GPM6A: variants seen among roughly 807,000 people sequenced by gnomAD.
GPM6A encodes neuronal membrane glycoprotein M6-a.
GPM6A carries 7 observed loss-of-function variants against 32.1 expected under a neutral mutation model. That is an observed-to-expected ratio of 0.22 (90% confidence interval 0.12 to 0.41). The LOEUF is 0.41. Among genes scored for constraint, GPM6A ranks in the 10% least tolerant of loss-of-function variants. The probability of loss-of-function intolerance (pLI) is 1.00; values close to 1 mark genes in which losing one functional copy is unlikely to be tolerated. For synonymous variants in GPM6A, 130 were observed against 123.4 expected, an observed-to-expected ratio of 1.05 and a Z score of -0.35; for missense variants, 235 against 347.2, an observed-to-expected ratio of 0.68 and a Z score of 2.57.
intron 1 of GPM6A, among the ~76,000 whole-genome samples, chr4:175,792,384 T>A (rs1734047116): frequency 6.6e-6 from 1 of 152,280 alleles, no homozygotes; most frequent in East Asian, 1.9e-4. Context: ...TCCAAGTACT[T>A]TTAAAAGTAA....
At chr4:175,865,955 T>G (rs1435224753) in intron 1 of GPM6A, among the ~76,000 whole-genome samples, 1 of 152,176 alleles carries the variant, frequency 6.6e-6, no homozygotes, top group Non-Finnish European at 1.5e-5. Context: ...AGAATTTTCA[T>G]TGTGGAAAAA....
At chr4:175,744,329 T>C (rs1044677941) in intron 1 of GPM6A, among the ~76,000 whole-genome samples, 1 of 152,042 alleles carries the variant, frequency 6.6e-6, no homozygotes, top group East Asian at 1.9e-4. Flanking sequence ...AAAGAGGGTA[T>C]AGCTCCAAAC....
At chr4:175,943,740 G>A (rs752389484) in intron 1 of GPM6A, among the ~76,000 whole-genome samples, 89 of 152,104 alleles carry the variant, frequency 5.9e-4, no homozygotes, top group Non-Finnish European at 1.1e-3. Context: ...CAATGTGATT[G>A]TGGTGGATAA....
At chr4:175,941,489 A>C (rs1206959109) in intron 1 of GPM6A, among the ~76,000 whole-genome samples, 1 of 152,242 alleles carries the variant, frequency 6.6e-6, no homozygotes, top group Middle Eastern at 3.4e-3. Context: ...TGCTGCACCC[A>C]TCAACCTGTC....
chr4:175,706,779 G>T (rs1011249428), intron 1 of GPM6A, among the ~76,000 whole-genome samples: 2 of 152,174 alleles, frequency 1.3e-5, no homozygotes, highest in African/African-American at 4.8e-5. Flanking sequence ...CTAAGTCACA[G>T]GATGAGAGAG....
intron 1 of GPM6A, among the ~76,000 whole-genome samples, chr4:175,927,332 G>C (rs57942674): frequency 0.032 from 4,928 of 152,326 alleles, 289 homozygotes; most frequent in African/African-American, 0.11. Flanking sequence ...CACAGTCACT[G>C]TGAGCTGTGT....
intron 1 of GPM6A, among the ~76,000 whole-genome samples, chr4:175,965,877 G>T (rs1740318314): frequency 6.6e-6 from 1 of 152,098 alleles, no homozygotes; most frequent in Admixed American, 6.5e-5. Flanking sequence ...CTCCCAAAGT[G>T]CTGGGATTAC....
chr4:175,707,012 A>C (rs951791379), intron 1 of GPM6A, among the ~76,000 whole-genome samples: 2 of 152,196 alleles, frequency 1.3e-5, no homozygotes, highest in Non-Finnish European at 2.9e-5. Context: ...GTTACCCTAC[A>C]TGGTCTAAAA....
intron 1 of GPM6A, among the ~76,000 whole-genome samples, chr4:175,802,048 A>G (rs17062058): frequency 0.062 from 9,460 of 152,062 alleles, 910 homozygotes; most frequent in African/African-American, 0.21. Context: ...CAAAGTTGCT[A>G]AACAGTGTTG....
intron 4 of GPM6A, among the ~76,000 whole-genome samples, chr4:175,642,959 A>G (rs543804713): frequency 6.6e-6 from 1 of 152,256 alleles, no homozygotes; most frequent in African/African-American, 2.4e-5. Context: ...AGCCTTTCCT[A>G]TCTTTCTTGA....
intron 1 of GPM6A, among the ~76,000 whole-genome samples, chr4:175,703,166 A>C (rs138044898): frequency 3.2e-4 from 49 of 152,144 alleles, no homozygotes; most frequent in African/African-American, 1.2e-3. Flanking sequence ...TAACCTAACT[A>C]TTATTACTTT....
intron 2 of GPM6A, among the ~76,000 whole-genome samples, chr4:175,675,685 T>C (rs1342309339): frequency 5.3e-5 from 8 of 152,166 alleles, no homozygotes; most frequent in Admixed American, 5.2e-4. Flanking sequence ...GGTCTCCCTC[T>C]GTCACCCTGA....
chr4:175,813,638 A>G (rs988954395), upstream of GPM6A, among the ~76,000 whole-genome samples: 3 of 152,086 alleles, frequency 2.0e-5, no homozygotes, highest in Non-Finnish European at 4.4e-5. Context: ...CTTTAATGAA[A>G]AATAGCTCAC....
intron 1 of GPM6A, among the ~76,000 whole-genome samples, chr4:175,913,360 A>G (rs181002969): frequency 1.7e-4 from 26 of 152,380 alleles, no homozygotes; most frequent in African/African-American, 4.3e-4. Context: ...CTATGTAAAG[A>G]CACTGTGTTA....
intron 1 of GPM6A, among the ~76,000 whole-genome samples, chr4:175,875,981 A>G (rs530021778): frequency 6.6e-6 from 1 of 152,298 alleles, no homozygotes; most frequent in South Asian, 2.1e-4. Flanking sequence ...AATAAAATAA[A>G]ATAAGAAAAG....
intron 1 of GPM6A, among the ~76,000 whole-genome samples, chr4:175,962,982 A>C (rs182600763): frequency 6.6e-6 from 1 of 152,296 alleles, no homozygotes; most frequent in East Asian, 1.9e-4. Flanking sequence ...CTAAGAAAAA[A>C]ATCTAAAGAG....
chr4:175,978,996 G>A (rs1740745362), intron 1 of GPM6A, among the ~76,000 whole-genome samples: 1 of 151,302 alleles, frequency 6.6e-6, no homozygotes, highest in Admixed American at 6.6e-5. Flanking sequence ...TTGAATTCTG[G>A]AAACCTTGCT....
At chr4:175,815,028 T>C (rs932124513), upstream of GPM6A, among the ~76,000 whole-genome samples, 1 of 152,126 alleles carries the variant, frequency 6.6e-6, no homozygotes, top group Non-Finnish European at 1.5e-5. Context: ...CTTTTTTTTT[T>C]GAGATGGAGT....
intron 1 of GPM6A, among the ~76,000 whole-genome samples, chr4:175,997,325 C>T (rs1282226993): frequency 6.6e-6 from 1 of 152,148 alleles, no homozygotes; most frequent in African/African-American, 2.4e-5. Context: ...GGTTGGGACT[C>T]TTATCAGACT....
Sources: allele counts gnomAD v4.1 joint callset (sites outside exome capture counted in the v4.1 genomes callset), GRCh38; gene constraint gnomAD v4.1.1; transcripts MANE v1.5; gene names NCBI Gene and HGNC (gene_info 2026-07-23, HGNC 2026-07-21).